The following STARD13 variants were observed in gnomAD, a reference collection of about 807,000 sequenced individuals.
STARD13 encodes the protein StAR related lipid transfer domain containing 13, also known as stAR-related lipid transfer protein 13.
STARD13 carries 62 observed loss-of-function variants against 106.4 expected under a neutral mutation model. That is an observed-to-expected ratio of 0.58 (90% CI 0.48 to 0.72). The LOEUF (loss-of-function observed/expected upper bound fraction) is 0.72, where lower values mean the gene tolerates loss of function less well. Among genes scored for constraint, STARD13 ranks in the 30% least tolerant of loss-of-function variants. The probability of loss-of-function intolerance (pLI) is 0.00; values close to 1 mark genes in which losing one functional copy is unlikely to be tolerated. For missense variants in STARD13, 1,387 were observed against 1,424.0 expected, an observed-to-expected ratio of 0.97 and a Z score of 0.42; for synonymous variants, 565 against 553.0, an observed-to-expected ratio of 1.02 and a Z score of -0.31.
downstream of STARD13, among the ~76,000 whole-genome samples, chr13:33,345,090 C>T (rs144150719): frequency 2.0e-4 from 30 of 152,354 alleles, no homozygotes; most frequent in African/African-American, 7.0e-4. Context: ...ACTCTCCCAC[C>T]TTGAAGAAAC....
At chr13:33,552,326 AG>A in the STARD13 span, among the ~76,000 whole-genome samples, 1 of 152,244 alleles carries the variant, frequency 6.6e-6, no homozygotes, top group Non-Finnish European at 1.5e-5. Flanking sequence ...AAACAAAAGC[AG>A]AATAGACATT....
At chr13:33,233,705 A>G (rs1236869674) in intron 1 of STARD13, among the ~76,000 whole-genome samples, 1 of 152,214 alleles carries the variant, frequency 6.6e-6, no homozygotes, top group Non-Finnish European at 1.5e-5. Flanking sequence ...GGGCCAACTG[A>G]GCTGTTAATA....
chr13:33,421,217 C>T, the STARD13 span, among the ~76,000 whole-genome samples: 2 of 151,904 alleles, frequency 1.3e-5, no homozygotes, highest in African/African-American at 2.4e-5. Context: ...TAAAGAAGAA[C>T]AGAGAGAAGA....
rs114769178 is a variant in STARD13, at chr13:33,237,246, C to T, written c.169+48224G>A. 2.0e-3 allele frequency among the ~76,000 whole-genome samples: 298 copies of T among 152,302 alleles called. 1 individual carries two copies. The highest frequency in any genetic ancestry group is 6.6e-3 in the African/African-American group (274 of 41,560). On this transcript the variant is annotated intron_variant, in intron 1 of 13. Transcript: ENST00000336934. Reference sequence around the variant, plus strand: ...CCAGATTTCTAACTTCTTAAAGAAGCCACCACTCTTCCTTAACTAGGAAAA... The same window carrying T: ...CCAGATTTCTAACTTCTTAAAGAAGTCACCACTCTTCCTTAACTAGGAAAA...
chr13:33,474,105 A>G, the STARD13 span, among the ~76,000 whole-genome samples: 1 of 152,122 alleles, frequency 6.6e-6, no homozygotes, highest in Non-Finnish European at 1.5e-5. Context: ...ATTCTTTGGA[A>G]TCTGGAGAAG....
At chr13:33,299,797 T>G (rs887945777) in intron 1 of STARD13, among the ~76,000 whole-genome samples, 2 of 152,202 alleles carry the variant, frequency 1.3e-5, no homozygotes, top group Non-Finnish European at 2.9e-5. Flanking sequence ...TTCTTGGTGC[T>G]TGGAATGCAT....
chr13:33,541,476 T>C, the STARD13 span, among the ~76,000 whole-genome samples: 1 of 152,192 alleles, frequency 6.6e-6, no homozygotes, highest in Non-Finnish European at 1.5e-5. Flanking sequence ...ACAGGTGCCA[T>C]AGTACTCCTC....
chr13:33,669,530 CTTTTTTTTTTT>C, the STARD13 span, among the ~76,000 whole-genome samples: 2 of 103,136 alleles, frequency 1.9e-5, no homozygotes, highest in Admixed American at 2.0e-4. Context: ...AGAGGATGTT[CTTTTTTTTTTT>C]TTTTTTTTTT....
chr13:33,604,345 A>T, the STARD13 span, among the ~76,000 whole-genome samples: 2 of 152,246 alleles, frequency 1.3e-5, no homozygotes, highest in African/African-American at 4.8e-5. Flanking sequence ...CATAATAAAA[A>T]GAAATTTGCA....
At chr13:33,513,757 T>A in the STARD13 span, among the ~76,000 whole-genome samples, 2 of 152,170 alleles carry the variant, frequency 1.3e-5, no homozygotes, top group African/African-American at 4.8e-5. Context: ...TAACCTTTCT[T>A]AGATTATGAG....
chr13:33,548,071 A>G, the STARD13 span, among the ~76,000 whole-genome samples: 1 of 152,216 alleles, frequency 6.6e-6, no homozygotes, highest in Admixed American at 6.5e-5. Context: ...CAGGTCTTAA[A>G]TATTTCATCC....
At chr13:33,170,745 A>G (rs1345166485) in intron 1 of STARD13, among the ~76,000 whole-genome samples, 1 of 152,032 alleles carries the variant, frequency 6.6e-6, no homozygotes, top group Non-Finnish European at 1.5e-5. Context: ...ACACACCCTC[A>G]TTTCATATTC....
the STARD13 span, among the ~76,000 whole-genome samples, chr13:33,483,405 A>G: frequency 6.6e-6 from 1 of 152,254 alleles, no homozygotes. Context: ...ACCATATCTC[A>G]GGAAGTTTAA....
the STARD13 span, among the ~76,000 whole-genome samples, chr13:33,623,223 A>T: frequency 0.034 from 5,120 of 152,258 alleles, 214 homozygotes; most frequent in East Asian, 0.17. Flanking sequence ...CATCTTGAAA[A>T]TGAGATATAA....
chr13:33,665,410 A>G, the STARD13 span, among the ~76,000 whole-genome samples: 3 of 152,218 alleles, frequency 2.0e-5, no homozygotes, highest in Admixed American at 6.5e-5. Flanking sequence ...AAAAAACAAT[A>G]CACAGATATT....
the STARD13 span, among the ~76,000 whole-genome samples, chr13:33,530,515 T>C: frequency 2.0e-5 from 3 of 152,226 alleles, no homozygotes; most frequent in African/African-American, 7.2e-5. Context: ...TTTGTTATAG[T>C]TTATCTGTTG....
chr13:33,600,646 TA>T, the STARD13 span, among the ~76,000 whole-genome samples: 1 of 152,070 alleles, frequency 6.6e-6, no homozygotes, highest in African/African-American at 2.4e-5. Flanking sequence ...TTTTTCAAAG[TA>T]AAAAGTAGGG....
chr13:33,451,449 G>A, the STARD13 span, among the ~76,000 whole-genome samples: 4 of 152,072 alleles, frequency 2.6e-5, no homozygotes, highest in Non-Finnish European at 4.4e-5. Context: ...CATAGGGCCC[G>A]GACTAGAGTA....
At chr13:33,396,954 T>C in the STARD13 span, among the ~76,000 whole-genome samples, 1 of 152,134 alleles carries the variant, frequency 6.6e-6, no homozygotes. Context: ...AAAAAAATCA[T>C]ATTAAATTGA....
Sources: allele counts gnomAD v4.1 joint callset (sites outside exome capture counted in the v4.1 genomes callset), GRCh38; gene constraint gnomAD v4.1.1; transcripts MANE v1.5; gene names NCBI Gene and HGNC (gene_info 2026-07-23, HGNC 2026-07-21).